Variants in ERBB4 observed in about 807,000 individuals in gnomAD.
ERBB4 encodes the protein erb-b2 receptor tyrosine kinase 4.
A neutral mutation model predicts 158.0 loss-of-function variants in ERBB4; 42 were observed. That is an observed-to-expected ratio of 0.27 (90% CI 0.21 to 0.34). ERBB4 has a LOEUF of 0.34. Among genes scored for constraint, ERBB4 ranks in the 10% least tolerant of loss-of-function variants. ERBB4 has a pLI of 1.00. For synonymous variants in ERBB4, 583 were observed against 558.7 expected (o/e 1.04, Z -0.61); for missense variants, 1,333 against 1,624.1 (o/e 0.82, Z 3.08).
intron 1 of ERBB4, among the ~76,000 whole-genome samples, chr2:212,125,744 T>C (rs993100076): frequency 2.0e-5 from 3 of 152,348 alleles, no homozygotes; most frequent in South Asian, 2.1e-4. Context: ...CCAAAGGACA[T>C]GATTTCATTC....
At chr2:212,453,863 T>A (rs927189425) in intron 1 of ERBB4, among the ~76,000 whole-genome samples, 1 of 152,180 alleles carries the variant, frequency 6.6e-6, no homozygotes, top group African/African-American at 2.4e-5. Flanking sequence ...AAAAAGTATT[T>A]TCTCTTTTCT....
chr2:212,506,828 A>C (rs902806160), intron 1 of ERBB4, among the ~76,000 whole-genome samples: 11 of 152,232 alleles, frequency 7.2e-5, no homozygotes, highest in African/African-American at 2.2e-4. Flanking sequence ...GCTGATGTAG[A>C]ATCTGCAGCA....
At chr2:211,944,181 A>ACATATATATATAGTG (rs1553517877) in intron 3 of ERBB4, among the ~76,000 whole-genome samples, 4 of 43,052 alleles carry the variant, frequency 9.3e-5, no homozygotes, top group Non-Finnish European at 2.0e-4. Context: ...TATATACTAT[A>ACATATATATATAGTG]TATATATATA....
At position 211,731,876 on chromosome 2, in the gene ERBB4, A is replaced by T. The variant is rs75907487; in HGVS notation, c.623-6682T>A. On this transcript the variant is annotated intron_variant, in intron 5 of 27. Coordinates refer to ENST00000342788, the MANE Select transcript of ERBB4 (RefSeq NM_005235.3). ...ACACTGTTATTCATTCTTCCAAAGG[A>T]GAATAATTGAACACATTTGTGTGTC... is the stretch of plus-strand genomic sequence containing the variant. Among the ~76,000 whole-genome samples, 945 of 152,300 alleles carry T rather than the reference A, an allele frequency of 6.2e-3. 13 individuals carry two copies. The highest frequency in any genetic ancestry group is 0.022 in the African/African-American group (899 of 41,562).
chr2:211,831,003 A>C (rs1370809087), intron 3 of ERBB4, among the ~76,000 whole-genome samples: 1 of 152,070 alleles, frequency 6.6e-6, no homozygotes. Flanking sequence ...ATGTAGGTTA[A>C]AAAAATAATA....
At chr2:211,413,309 A>AAAAAAAAAAACACACACACAC (rs1553524037) in intron 25 of ERBB4, among the ~76,000 whole-genome samples, 1 of 94,558 alleles carries the variant, frequency 1.1e-5, no homozygotes, top group African/African-American at 3.8e-5. Flanking sequence ...CTGTCTTAAA[A>AAAAAAAAAAACACACACACAC]ACACACACAC....
chr2:211,627,983 G>A (rs12469375), intron 17 of ERBB4, among the ~76,000 whole-genome samples: 113,889 of 152,090 alleles, frequency 0.75, 46,015 homozygotes, highest in Non-Finnish European at 0.89. Context: ...TAAGGTCTGT[G>A]TGATTACAAC....
intron 2 of ERBB4, among the ~76,000 whole-genome samples, chr2:212,058,726 G>C (rs1421514258): frequency 6.6e-6 from 1 of 152,144 alleles, no homozygotes; most frequent in African/African-American, 2.4e-5. Context: ...AAAGGCCTTT[G>C]ACAAAATTCA....
At chr2:212,492,378 C>A (rs1184544979) in intron 1 of ERBB4, among the ~76,000 whole-genome samples, 1 of 151,158 alleles carries the variant, frequency 6.6e-6, no homozygotes, top group Non-Finnish European at 1.5e-5. Context: ...TACCTGGAAT[C>A]TGGTCATTAA....
chr2:212,465,702 C>T (rs1392539168), intron 1 of ERBB4, among the ~76,000 whole-genome samples: 1 of 152,058 alleles, frequency 6.6e-6, no homozygotes, highest in Admixed American at 6.6e-5. Flanking sequence ...GCTTCATTAC[C>T]TCCCTAACCA....
intron 3 of ERBB4, among the ~76,000 whole-genome samples, chr2:211,888,625 C>G (rs894012720): frequency 3.3e-5 from 5 of 152,182 alleles, no homozygotes; most frequent in African/African-American, 9.7e-5. Context: ...TTCTGCATTT[C>G]CATCTGAGGT....
At chr2:211,792,671 C>T (rs576380839) in intron 3 of ERBB4, among the ~76,000 whole-genome samples, 1 of 151,914 alleles carries the variant, frequency 6.6e-6, no homozygotes, top group African/African-American at 2.4e-5. Context: ...AACTGTAAGT[C>T]TACCTCACAT....
chr2:211,685,781 C>T (rs1365768929), intron 12 of ERBB4, among the ~76,000 whole-genome samples: 1 of 152,034 alleles, frequency 6.6e-6, no homozygotes, highest in Non-Finnish European at 1.5e-5. Flanking sequence ...TTATTTACAC[C>T]TGCTTTGATT....
chr2:211,481,382 C>T (rs890764036), intron 20 of ERBB4, among the ~76,000 whole-genome samples: 5 of 152,146 alleles, frequency 3.3e-5, no homozygotes, highest in East Asian at 3.9e-4. Context: ...ATTCTGCATT[C>T]GTTTCTGAAT....
intron 20 of ERBB4, among the ~76,000 whole-genome samples, chr2:211,450,825 A>G (rs963754880): frequency 1.6e-4 from 24 of 152,236 alleles, no homozygotes; most frequent in African/African-American, 5.5e-4. Context: ...ACCTGACAAC[A>G]TATAGGCATG....
intron 25 of ERBB4, among the ~76,000 whole-genome samples, chr2:211,413,943 G>T (rs556404975): frequency 1.3e-5 from 2 of 151,228 alleles, no homozygotes; most frequent in South Asian, 2.1e-4. Flanking sequence ...CTCCTCCCCT[G>T]GATAAGGCGC....
chr2:211,541,476 G>A (rs1160297997), intron 20 of ERBB4, among the ~76,000 whole-genome samples: 2 of 151,940 alleles, frequency 1.3e-5, no homozygotes, highest in African/African-American at 4.8e-5. Flanking sequence ...CAGAAAGACA[G>A]TGTGCCCATG....
At chr2:211,602,961 G>T (rs2068844897) in intron 19 of ERBB4, among the ~76,000 whole-genome samples, 2 of 152,124 alleles carry the variant, frequency 1.3e-5, no homozygotes, top group Admixed American at 6.5e-5. Context: ...CGGCTCAGTG[G>T]CTCACGCCTG....
intron 1 of ERBB4, among the ~76,000 whole-genome samples, chr2:212,273,232 A>G (rs746060177): frequency 2.0e-5 from 3 of 151,830 alleles, no homozygotes; most frequent in Admixed American, 6.6e-5. Context: ...TTCACATGCA[A>G]GAGTTTCATG....
Sources: allele counts gnomAD v4.1 joint callset (sites outside exome capture counted in the v4.1 genomes callset), GRCh38; gene constraint gnomAD v4.1.1; transcripts MANE v1.5; gene names NCBI Gene and HGNC (gene_info 2026-07-23, HGNC 2026-07-21).